The following PTCD2 variants were observed in gnomAD, a reference collection of about 807,000 sequenced individuals.
PTCD2 encodes pentatricopeptide repeat domain 2, also known as pentatricopeptide repeat-containing protein 2, mitochondrial.
Under a neutral mutation model 42.6 loss-of-function variants are expected in PTCD2, and 31 were observed. The observed-to-expected ratio is 0.73, with a 90% CI of 0.55 to 0.98. PTCD2 has a LOEUF of 0.98. PTCD2 is among the 50% of genes least tolerant of loss of function. The pLI, the probability that PTCD2 is intolerant of heterozygous loss-of-function variation, is 0.00. For missense variants in PTCD2, 476 were observed against 454.8 expected, an observed-to-expected ratio of 1.05 and a Z score of -0.42; for synonymous variants, 183 against 170.9, an observed-to-expected ratio of 1.07 and a Z score of -0.55.
intron 3 of PTCD2, among the ~76,000 whole-genome samples, chr5:72,330,373 A>G (rs1047560796): frequency 2.6e-5 from 4 of 152,222 alleles, no homozygotes; most frequent in Admixed American, 1.3e-4. Flanking sequence ...GATTTTTAGC[A>G]GAAGGTAAAA....
chr5:72,320,541 G>T, intron 1 of PTCD2, 32 bp downstream of exon 1: 1 of 1,612,042 alleles, frequency 6.2e-7, no homozygotes. Context: ...GGAAGGAGGG[G>T]AGGGATGGGA....
At position 72,326,734 on chromosome 5, in the gene PTCD2, A is replaced by T. The variant is rs772162499; in HGVS notation, c.343A>T (p.Ile115Phe). Reference protein sequence around the residue: ...RDHVELAKNVIYRYHAENKNF... With the variant: ...RDHVELAKNVFYRYHAENKNF... ...CCATGTGGAACTGGCTAAAAATGTC[A>T]TTTACAGGTGAGGCATTTCCTTAGA... Residue 115 changes from isoleucine to phenylalanine, a missense_variant, in exon 3 of 10, where the codon ATT becomes TTT. By Grantham distance (21) the Ile-to-Phe change is conservative. Transcript: ENST00000380639. 4.3e-6 allele frequency: 7 copies of T among 1,613,854 alleles called. No individual in the cohort carries two copies. The highest frequency in any genetic ancestry group is 5.9e-6 in the Non-Finnish European group (7 of 1,179,822).
chr5:72,343,698 A>G (rs1353788690), intron 8 of PTCD2, among the ~76,000 whole-genome samples: 1 of 152,140 alleles, frequency 6.6e-6, no homozygotes, highest in African/African-American at 2.4e-5. Context: ...ATAGGAAAAA[A>G]AATTATCTCA....
chr5:72,346,979 A>G (rs1266599358), intron 8 of PTCD2, among the ~76,000 whole-genome samples: 1 of 152,246 alleles, frequency 6.6e-6, no homozygotes, highest in African/African-American at 2.4e-5. Flanking sequence ...TAAGAAATCA[A>G]ACAGTGAGGT....
intron 9 of PTCD2, 138 bp from the exon 10 acceptor site, chr5:72,358,065 G>T: frequency 1.4e-6 from 1 of 726,980 alleles, no homozygotes; most frequent in Non-Finnish European, 2.3e-6. Flanking sequence ...GTCCAAAATT[G>T]CTTAGATTAA....
chr5:72,347,942 C>T (rs1752441502), intron 8 of PTCD2, among the ~76,000 whole-genome samples: 1 of 152,034 alleles, frequency 6.6e-6, no homozygotes, highest in African/African-American at 2.4e-5. Context: ...GGCAAGGACT[C>T]CATAAGTAAC....
At chr5:72,342,911 A>G (rs1752148006) in intron 7 of PTCD2, 51 bp from the exon 8 acceptor site, 9 of 1,169,316 alleles carry the variant, frequency 7.7e-6, no homozygotes, top group Non-Finnish European at 1.1e-5. Flanking sequence ...ATCTTTTACA[A>G]TAACATTAGT....
chr5:72,358,127 C>A, intron 9 of PTCD2, 76 bp from the exon 10 acceptor site: 1 of 1,335,664 alleles, frequency 7.5e-7, no homozygotes, highest in Non-Finnish European at 1.0e-6. Context: ...ATGTCCATTT[C>A]TTTTTCTTAG....
intron 3 of PTCD2, among the ~76,000 whole-genome samples, chr5:72,329,871 A>G (rs1751344969): frequency 6.6e-6 from 1 of 152,122 alleles, no homozygotes; most frequent in Non-Finnish European, 1.5e-5. Flanking sequence ...CCACTATCCT[A>G]TATTGCCTTC....
intron 3 of PTCD2, 133 bp from the exon 4 acceptor site, chr5:72,331,125 C>T (rs983118178): frequency 1.5e-6 from 1 of 660,412 alleles, no homozygotes. Flanking sequence ...ATCTCCATTT[C>T]TCCCCCTCCA....
intron 6 of PTCD2, among the ~76,000 whole-genome samples, chr5:72,336,635 C>T (rs992256585): frequency 1.3e-5 from 2 of 150,582 alleles, no homozygotes; most frequent in African/African-American, 4.9e-5. Context: ...TGCTTGAACC[C>T]AGGAGGCAGA....
chr5:72,342,619 T>G (rs1326238442), intron 7 of PTCD2, among the ~76,000 whole-genome samples: 1 of 152,220 alleles, frequency 6.6e-6, no homozygotes, highest in Non-Finnish European at 1.5e-5. Flanking sequence ...TGCTGTGGCT[T>G]GAGGTTTCTA....
chr5:72,332,223 A>G (rs1751474777), intron 4 of PTCD2, among the ~76,000 whole-genome samples: 2 of 152,284 alleles, frequency 1.3e-5, no homozygotes, highest in South Asian at 4.1e-4. Context: ...CTTTTTTTAT[A>G]CAAAATTTTC....
Position 72,335,870 on chromosome 5 carries a change from A to G in PTCD2, c.624A>G (p.Ala208=). The G allele has an allele frequency of 6.2e-7, 1 of 1,609,972 alleles. No individual in the cohort carries two copies. Among genetic ancestry groups the G allele is most frequent in the Non-Finnish European group, 8.5e-7 (1 of 1,176,288 alleles). Residue 208 remains alanine (A), a synonymous_variant, in exon 6 of 10, where the codon GCA becomes GCG. Coordinates refer to ENST00000380639, the MANE Select transcript of PTCD2 (RefSeq NM_024754.5). ...FTKDTYVLAF[A]ICYKLNSPES... is the part of the protein sequence containing the mutation. ...AAGATACCTATGTTCTTGCTTTTGC[A>G]ATTTGCTACAAACTGGTAAGACTCT... is the stretch of plus-strand genomic sequence containing the variant.
Position 72,331,287 on chromosome 5 carries a change from T to C in PTCD2, c.380T>C (p.Leu127Ser), listed in dbSNP as rs1215837551. The change falls in exon 4 of 10, where the codon TTG becomes TCG. Residue 127 changes from leucine to serine, a missense_variant. Physicochemically the swap from Leu to Ser is moderately radical, Grantham distance 145 (BLOSUM62 -2). Coordinates refer to ENST00000380639, the MANE Select transcript of PTCD2 (RefSeq NM_024754.5). ...RYHAENKNFTLGEYKFGPLFV... is the reference protein window; with the variant it reads ...RYHAENKNFTSGEYKFGPLFV... ...CATGCAGAGAACAAAAATTTCACTT[T>C]GGGGGAGTATAAATTTGGACCGCTT... 3 of 1,613,896 alleles carry C rather than the reference T, an allele frequency of 1.9e-6. No homozygotes were observed. Among genetic ancestry groups the C allele is most frequent in the Non-Finnish European group, 2.5e-6 (3 of 1,179,774 alleles).
Position 72,367,105 on chromosome 5 carries a change from A to G in PTCD2, c.*8678A>G, listed in dbSNP as rs1044894022. The G allele has an allele frequency of 1.3e-5, 2 of 152,240 alleles. No homozygotes were observed. The highest frequency in any genetic ancestry group is 2.4e-5 in the African/African-American group (1 of 41,444). The allele number at this position is 152,240 out of a possible 1,614,324, so 9.4% of individuals were successfully genotyped here. A position where few individuals can be genotyped will look rare whatever the true frequency, so the allele number is the denominator to read the frequency against. On this transcript the variant is annotated 3_prime_UTR_variant, in exon 10 of 10. Coordinates refer to ENST00000380639, the MANE Select transcript of PTCD2 (RefSeq NM_024754.5). Reference sequence around the variant, plus strand: ...GTCAACCTTACTGTCTCTTCCTGCCATCATCAGGAATGACTAAATCTTGGA... The same window carrying G: ...GTCAACCTTACTGTCTCTTCCTGCCGTCATCAGGAATGACTAAATCTTGGA...
At chr5:72,327,854 C>G (rs1353265560) in intron 3 of PTCD2, among the ~76,000 whole-genome samples, 4 of 152,090 alleles carry the variant, frequency 2.6e-5, no homozygotes, top group African/African-American at 9.7e-5. Context: ...ACAAGATAAT[C>G]ATATAAAGAA....
intron 7 of PTCD2, among the ~76,000 whole-genome samples, chr5:72,342,722 C>A (rs550000057): frequency 6.6e-6 from 1 of 152,194 alleles, no homozygotes; most frequent in African/African-American, 2.4e-5. Context: ...AGGGGAAATA[C>A]CAACTTTATG....
chr5:72,368,224 ATTGC>A lies in PTCD2; in HGVS notation c.*9799_*9802del, dbSNP rs1753245466. 1.3e-5 allele frequency: 2 copies of A among 152,226 alleles called. No individual in the cohort carries two copies. The highest frequency in any genetic ancestry group is 1.3e-4 in the Admixed American group (2 of 15,286). The allele number at this position is 152,226 out of a possible 1,614,324, so 9.4% of individuals were successfully genotyped here. On this transcript the variant is annotated 3_prime_UTR_variant, in exon 10 of 10. Transcript: ENST00000380639. Reference sequence around the variant, plus strand: ...AGTGTGGGACAAAGACAACCAGCACATTGCTAAGCCCAAGTAGCAAATTTCCTGA... The same window carrying A: ...AGTGTGGGACAAAGACAACCAGCACATAAGCCCAAGTAGCAAATTTCCTGA...
Sources: allele counts gnomAD v4.1 joint callset (sites outside exome capture counted in the v4.1 genomes callset), GRCh38; gene constraint gnomAD v4.1.1; transcripts MANE v1.5; gene names NCBI Gene and HGNC (gene_info 2026-07-23, HGNC 2026-07-21).